PTK2: variants seen among roughly 807,000 people sequenced by gnomAD.
PTK2 encodes protein tyrosine kinase 2.
In PTK2, 45 loss-of-function variants were observed where a neutral mutation model predicts 150.1. The ratio of observed to expected loss-of-function variants is 0.30; its 90% CI spans 0.24 to 0.38. The LOEUF is 0.38. Among genes scored for constraint, PTK2 ranks in the 10% least tolerant of loss-of-function variants. The probability of loss-of-function intolerance (pLI) is 1.00; values close to 1 mark genes in which losing one functional copy is unlikely to be tolerated. For synonymous variants in PTK2, 432 were observed against 449.2 expected, an observed-to-expected ratio of 0.96 and a Z score of 0.48; for missense variants, 919 against 1,307.3, an observed-to-expected ratio of 0.70 and a Z score of 4.58.
intron 26 of PTK2, among the ~76,000 whole-genome samples, chr8:140,699,300 AG>A (rs1236853678): frequency 6.6e-6 from 1 of 152,218 alleles, no homozygotes; most frequent in Non-Finnish European, 1.5e-5. Flanking sequence ...AGGCAACTAC[AG>A]GAAGATTGAA....
At chr8:140,773,099 T>C (rs1475299278) in intron 14 of PTK2, among the ~76,000 whole-genome samples, 2 of 152,262 alleles carry the variant, frequency 1.3e-5, no homozygotes, top group African/African-American at 2.4e-5. Context: ...CTACTGTTCA[T>C]TTCTAAACTG....
At chr8:140,927,949 A>G (rs2100170122) in intron 1 of PTK2, among the ~76,000 whole-genome samples, 1 of 82,732 alleles carries the variant, frequency 1.2e-5, no homozygotes. Flanking sequence ...AGAAAAAAAA[A>G]AAAAAAAAGA....
intron 7 of PTK2, among the ~76,000 whole-genome samples, chr8:140,842,312 A>C: frequency 6.6e-6 from 1 of 152,100 alleles, no homozygotes; most frequent in East Asian, 1.9e-4. Context: ...CAACAGATGA[A>C]CAATAACATT....
At chr8:140,873,937 G>A (rs764248679) in intron 4 of PTK2, among the ~76,000 whole-genome samples, 3 of 152,108 alleles carry the variant, frequency 2.0e-5, no homozygotes, top group East Asian at 1.9e-4. Flanking sequence ...TATAGTGAAC[G>A]TTTTGGAGCT....
rs562178805 is a variant in PTK2 at position 140,838,934 on chromosome 8, A to G, written c.593+7326T>C. Among the ~76,000 whole-genome samples, 6 of 151,440 alleles carry G rather than the reference A, an allele frequency of 4.0e-5. No individual in the cohort carries two copies. In the East Asian group the frequency reaches 1.2e-3, roughly 30 times the overall value. On this transcript the variant is annotated intron_variant, in intron 7 of 31. Coordinates refer to ENST00000522684, the Ensembl canonical transcript of PTK2. The stretch of plus-strand genomic sequence containing the variant: ...GGCAGGAGAATGGTGTGAACCCAGG[A>G]GGCGGAGCTTGCAGTGAGCCGAGAT...
intron 23 of PTK2, among the ~76,000 whole-genome samples, chr8:140,707,108 T>C (rs1591424209): frequency 6.6e-6 from 1 of 152,206 alleles, no homozygotes; most frequent in East Asian, 1.9e-4. Flanking sequence ...AAAGAACATA[T>C]GATTTCTTTA....
At chr8:140,714,954 C>T (rs1462148292) in intron 23 of PTK2, among the ~76,000 whole-genome samples, 1 of 151,708 alleles carries the variant, frequency 6.6e-6, no homozygotes, top group Non-Finnish European at 1.5e-5. Flanking sequence ...AAATCACAGA[C>T]TCATTTTAGA....
chr8:140,888,896 T>C (rs189742302), intron 3 of PTK2, among the ~76,000 whole-genome samples: 49 of 152,354 alleles, frequency 3.2e-4, no homozygotes, highest in African/African-American at 1.0e-3. Context: ...ATCTGAAATC[T>C]ACAAAGACTA....
intron 8 of PTK2, among the ~76,000 whole-genome samples, chr8:140,829,919 A>T (rs185492140): frequency 1.3e-5 from 2 of 152,148 alleles, no homozygotes; most frequent in Admixed American, 1.3e-4. Context: ...TAGCTGGGGG[A>T]ATCACACATT....
At chr8:140,945,234 T>C (rs1190203116) in intron 1 of PTK2, among the ~76,000 whole-genome samples, 1 of 152,216 alleles carries the variant, frequency 6.6e-6, no homozygotes, top group Non-Finnish European at 1.5e-5. Flanking sequence ...TTTAAGGTTA[T>C]CACTTGAATT....
intron 2 of PTK2, among the ~76,000 whole-genome samples, chr8:140,900,152 T>C (rs1374325398): frequency 6.6e-6 from 1 of 152,112 alleles, no homozygotes; most frequent in Non-Finnish European, 1.5e-5. Context: ...AAGGAAGATG[T>C]CAAATTAGTT....
intron 2 of PTK2, among the ~76,000 whole-genome samples, chr8:140,923,037 C>T (rs967578571): frequency 6.6e-6 from 1 of 152,118 alleles, no homozygotes; most frequent in Non-Finnish European, 1.5e-5. Context: ...GAGGGATGAA[C>T]CTGGTTTCTG....
chr8:140,957,832 G>A (rs1218419764), intron 1 of PTK2, among the ~76,000 whole-genome samples: 1 of 152,190 alleles, frequency 6.6e-6, no homozygotes, highest in Non-Finnish European at 1.5e-5. Context: ...CAGGCATGCA[G>A]TAGGCTACCA....
chr8:140,947,392 T>G (rs2100178056), intron 1 of PTK2, among the ~76,000 whole-genome samples: 1 of 152,210 alleles, frequency 6.6e-6, no homozygotes, highest in Admixed American at 6.5e-5. Context: ...AATAAAATGT[T>G]TTGACCAAAG....
At chr8:140,832,734 G>A (rs1193962289) in intron 7 of PTK2, among the ~76,000 whole-genome samples, 1 of 152,050 alleles carries the variant, frequency 6.6e-6, no homozygotes, top group African/African-American at 2.4e-5. Context: ...GTGAGGGAAT[G>A]CTGAAGCTAC....
chr8:140,705,742 G>A (rs765147572), intron 24 of PTK2, among the ~76,000 whole-genome samples: 2 of 152,102 alleles, frequency 1.3e-5, no homozygotes, highest in Non-Finnish European at 2.9e-5. Context: ...TGTCCATATG[G>A]TATTTCATCT....
At chr8:140,699,871 A>G (rs907731341) in intron 26 of PTK2, among the ~76,000 whole-genome samples, 1 of 151,394 alleles carries the variant, frequency 6.6e-6, no homozygotes, top group Admixed American at 6.6e-5. Context: ...CTAGATCTCT[A>G]TTTCCTGTTC....
At chr8:140,999,702 C>G (rs1324177423) in intron 1 of PTK2, among the ~76,000 whole-genome samples, 1 of 152,186 alleles carries the variant, frequency 6.6e-6, no homozygotes, top group African/African-American at 2.4e-5. Flanking sequence ...GGACGGAGTG[C>G]TCAACTCTCG....
chr8:140,842,848 CAT>C (rs1462033028), intron 7 of PTK2, among the ~76,000 whole-genome samples: 1 of 152,124 alleles, frequency 6.6e-6, no homozygotes, highest in Non-Finnish European at 1.5e-5. Context: ...AAATATCACA[CAT>C]ATAAATTAAC....
Sources: allele counts gnomAD v4.1 joint callset (sites outside exome capture counted in the v4.1 genomes callset), GRCh38; gene constraint gnomAD v4.1.1; transcripts MANE v1.5; gene names NCBI Gene and HGNC (gene_info 2026-07-23, HGNC 2026-07-21).